Variants in MACROD2 observed in about 807,000 individuals in gnomAD.
The protein encoded by MACROD2 is ADP-ribose glycohydrolase MACROD2.
In MACROD2, 36 loss-of-function variants were observed where a neutral mutation model predicts 70.4. That is an observed-to-expected ratio of 0.51 (90% CI 0.39 to 0.68). The LOEUF (loss-of-function observed/expected upper bound fraction) is 0.68. Ranked by LOEUF, MACROD2 falls within the 30% of genes least tolerant of loss-of-function variation. The probability of loss-of-function intolerance (pLI) is 0.00; values close to 1 mark genes in which losing one functional copy is unlikely to be tolerated. For missense variants in MACROD2, 496 were observed against 538.4 expected, an observed-to-expected ratio of 0.92 and a Z score of 0.78; for synonymous variants, 172 against 178.8, an observed-to-expected ratio of 0.96 and a Z score of 0.30.
intron 10 of MACROD2, among the ~76,000 whole-genome samples, chr20:15,931,680 G>A (rs746911683): frequency 2.9e-4 from 44 of 151,672 alleles, no homozygotes; most frequent in African/African-American, 7.0e-4. Flanking sequence ...TGTGTCCACC[G>A]TCACAAACGG....
chr20:15,501,842 AT>A (rs1211613052), intron 8 of MACROD2, among the ~76,000 whole-genome samples: 1 of 152,154 alleles, frequency 6.6e-6, no homozygotes, highest in East Asian at 1.9e-4. Context: ...ATTTTGATTT[AT>A]TTTTTCCTCT....
intron 8 of MACROD2, among the ~76,000 whole-genome samples, chr20:15,820,255 G>A (rs939027099): frequency 6.6e-6 from 1 of 152,036 alleles, no homozygotes; most frequent in Non-Finnish European, 1.5e-5. Context: ...AAGTGTAGTG[G>A]CACAGTCTCA....
At chr20:14,890,967 C>T (rs941101582) in intron 5 of MACROD2, among the ~76,000 whole-genome samples, 6 of 132,292 alleles carry the variant, frequency 4.5e-5, no homozygotes, top group Non-Finnish European at 7.9e-5. Context: ...TCCTTCCTTC[C>T]TTCCTTCCTT....
intron 3 of MACROD2, among the ~76,000 whole-genome samples, chr20:14,454,376 A>C (rs986329151): frequency 6.6e-6 from 1 of 151,070 alleles, no homozygotes; most frequent in Admixed American, 6.6e-5. Flanking sequence ...AATAGCTGTA[A>C]ATTTTTATGT....
chr20:15,620,905 G>A (rs6079908), intron 8 of MACROD2, among the ~76,000 whole-genome samples: 21 of 152,126 alleles, frequency 1.4e-4, no homozygotes, highest in Non-Finnish European at 1.9e-4. Flanking sequence ...GTGTTATCAA[G>A]CAGTAGATGA....
intron 2 of MACROD2, 39 bp from the exon 3 acceptor site, chr20:14,085,579 TTAA>T: frequency 5.3e-6 from 6 of 1,139,806 alleles, no homozygotes; most frequent in South Asian, 1.9e-5. Context: ...ATTAAGTTAA[TTAA>T]TAATATTATT....
chr20:14,868,151 G>T (rs1191931314), intron 5 of MACROD2, among the ~76,000 whole-genome samples: 1 of 151,120 alleles, frequency 6.6e-6, no homozygotes, highest in Non-Finnish European at 1.5e-5. Flanking sequence ...TCTTGAGAGG[G>T]TTCCATCTCT....
At chr20:15,946,584 A>G (rs534018287) in intron 12 of MACROD2, among the ~76,000 whole-genome samples, 1 of 152,336 alleles carries the variant, frequency 6.6e-6, no homozygotes, top group African/African-American at 2.4e-5. Flanking sequence ...TTAGTTATAT[A>G]CTTATCTAAC....
At chr20:15,625,745 T>C (rs2049191872) in intron 8 of MACROD2, among the ~76,000 whole-genome samples, 1 of 152,050 alleles carries the variant, frequency 6.6e-6, no homozygotes, top group South Asian at 2.1e-4. Flanking sequence ...ACATGGGTCT[T>C]GGGAATGATT....
chr20:15,727,668 G>C (rs1485871623), intron 8 of MACROD2, among the ~76,000 whole-genome samples: 1 of 152,062 alleles, frequency 6.6e-6, no homozygotes, highest in East Asian at 1.9e-4. Flanking sequence ...CTGGTTAGCT[G>C]TATTCCTAGG....
intron 8 of MACROD2, among the ~76,000 whole-genome samples, chr20:15,628,987 C>T (rs1444960197): frequency 6.6e-6 from 1 of 152,204 alleles, no homozygotes. Flanking sequence ...TGTAAATATA[C>T]TACATTTTAA....
At chr20:14,232,138 G>T (rs943619780) in intron 3 of MACROD2, among the ~76,000 whole-genome samples, 4 of 152,246 alleles carry the variant, frequency 2.6e-5, no homozygotes, top group South Asian at 4.1e-4. Context: ...AGAAGCTCTT[G>T]AATTTAATTA....
intron 2 of MACROD2, among the ~76,000 whole-genome samples, chr20:14,025,287 A>G (rs541675206): frequency 1.8e-4 from 28 of 151,948 alleles, no homozygotes; most frequent in East Asian, 1.2e-3. Context: ...GTAGCGTTCT[A>G]TCTATTTTGT....
At chr20:14,595,718 T>G (rs1404061601) in intron 4 of MACROD2, among the ~76,000 whole-genome samples, 1 of 152,186 alleles carries the variant, frequency 6.6e-6, no homozygotes, top group Non-Finnish European at 1.5e-5. Context: ...TTTTGAAGGT[T>G]CTTACTACAC....
intron 4 of MACROD2, among the ~76,000 whole-genome samples, chr20:14,543,815 G>C (rs2085460937): frequency 6.6e-6 from 1 of 152,128 alleles, no homozygotes; most frequent in Admixed American, 6.5e-5. Context: ...TAATACTTAG[G>C]GAAGATCATG....
chr20:14,433,379 CTTT>C (rs2086271621), intron 3 of MACROD2, among the ~76,000 whole-genome samples: 1 of 152,030 alleles, frequency 6.6e-6, no homozygotes, highest in South Asian at 2.1e-4. Flanking sequence ...AAATGCAAGC[CTTT>C]TTATTTTGCT....
chr20:14,554,582 A>G (rs1436718230), intron 4 of MACROD2, among the ~76,000 whole-genome samples: 1 of 152,122 alleles, frequency 6.6e-6, no homozygotes, highest in East Asian at 1.9e-4. Flanking sequence ...CAGGAACTCC[A>G]CTTAACCCCA....
chr20:14,068,756 A>G (rs2053801391), intron 2 of MACROD2, among the ~76,000 whole-genome samples: 1 of 152,100 alleles, frequency 6.6e-6, no homozygotes, highest in East Asian at 1.9e-4. Flanking sequence ...AGAGAGTACC[A>G]CAGATTGGGG....
intron 6 of MACROD2, among the ~76,000 whole-genome samples, chr20:15,238,270 A>G (rs1417367518): frequency 6.6e-6 from 1 of 152,162 alleles, no homozygotes; most frequent in African/African-American, 2.4e-5. Context: ...AAAAATGGTA[A>G]TTGATGTGAC....
Sources: gnomAD v4.1 joint callset for allele counts (sites outside exome capture counted in the v4.1 genomes callset) on GRCh38, gnomAD v4.1.1 for gene constraint, MANE v1.5 for transcripts, NCBI Gene and HGNC (gene_info 2026-07-23, HGNC 2026-07-21) for gene names.